Variants in MTDH observed in about 807,000 individuals in gnomAD.
The protein encoded by MTDH is metadherin, also known as protein LYRIC.
Under a neutral mutation model 72.7 loss-of-function variants are expected in MTDH, and 34 were observed. That is an observed-to-expected ratio of 0.47 (90% confidence interval 0.36 to 0.62). MTDH has a LOEUF of 0.62. Ranked by LOEUF, MTDH falls within the 20% of genes least tolerant of loss-of-function variation. The pLI is 0.00. For synonymous variants in MTDH, 266 were observed against 268.9 expected (o/e 0.99, Z 0.10); for missense variants, 677 against 699.4 (o/e 0.97, Z 0.36).
chr8:97,692,534 A>C (rs569162718), intron 6 of MTDH, among the ~76,000 whole-genome samples: 20 of 149,818 alleles, frequency 1.3e-4, no homozygotes, highest in Non-Finnish European at 2.8e-4. Flanking sequence ...CACCAAACTC[A>C]GCTAATTATT....
chr8:97,679,198 C>T lies in MTDH; in HGVS notation c.484-7470C>T, dbSNP rs118188662. ...ATAGAATAGCATTTACCTAGGGTTA[C>T]TTTGAGAATTTAAATGGAACTATGT... On this transcript the variant is annotated intron_variant, in intron 2 of 11. Coordinates refer to ENST00000336273, the MANE Select transcript of MTDH (RefSeq NM_178812.4). 3.0e-3 allele frequency among the ~76,000 whole-genome samples: 453 copies of T among 152,170 alleles called. 18 individuals carry two copies. The East Asian group carries it at 0.052, about 17-fold the overall frequency.
chr8:97,654,728 T>C (rs1424852577), intron 1 of MTDH, among the ~76,000 whole-genome samples: 1 of 152,110 alleles, frequency 6.6e-6, no homozygotes, highest in Non-Finnish European at 1.5e-5. Flanking sequence ...CCTTTTATCT[T>C]TTTTATGATG....
chr8:97,712,585 T>C lies in MTDH; in HGVS notation c.1273-1077T>C, dbSNP rs560641040. 4.6e-5 allele frequency among the ~76,000 whole-genome samples: 7 copies of C among 152,352 alleles called. No homozygotes were observed. The East Asian group carries it at 1.3e-3, about 29-fold the overall frequency. On this transcript the variant is annotated intron_variant, in intron 8 of 11. Coordinates refer to ENST00000336273, the MANE Select transcript of MTDH (RefSeq NM_178812.4). ...GTCTCTGTCTAAACATAAGCTTTCATTTCTCTAGGATAAATGCCCATATGT... is the reference window on the plus strand; with the variant it reads ...GTCTCTGTCTAAACATAAGCTTTCACTTCTCTAGGATAAATGCCCATATGT...
rs182000077 is a variant in MTDH, at chr8:97,711,367, G to A, written c.1273-2295G>A. Among the ~76,000 whole-genome samples, 18 of 150,212 alleles carry A rather than the reference G, an allele frequency of 1.2e-4. 1 individual carries two copies. The highest frequency in any genetic ancestry group is 4.4e-4 in the African/African-American group (18 of 41,048). ...AAAAAAAAAAAAGAAAAATCAGCCT[G>A]TAGTCCCAGCTCCTCAGGTGGCTAA... On this transcript the variant is annotated intron_variant, in intron 8 of 11. Transcript: ENST00000336273.
chr8:97,677,569 A>C (rs1473343592), intron 2 of MTDH, among the ~76,000 whole-genome samples: 1 of 152,260 alleles, frequency 6.6e-6, no homozygotes, highest in East Asian at 1.9e-4. Flanking sequence ...TCTATCAGCT[A>C]CATCACCATG....
intron 8 of MTDH, among the ~76,000 whole-genome samples, chr8:97,712,777 A>G (rs80082936): frequency 0.025 from 3,830 of 152,268 alleles, 107 homozygotes; most frequent in African/African-American, 0.061. Flanking sequence ...CTAATAGCAA[A>G]TGGAGTTGAG....
Position 97,704,043 on chromosome 8 carries a change from G to A in MTDH, c.1148-2583G>A, listed in dbSNP as rs138974612. ...TGACTCCAGATACTTGCTCATGGTG[G>A]TGAATTTAGAAATACAGGAAGGAAC... On this transcript the variant is annotated intron_variant, in intron 7 of 11. Transcript: ENST00000336273. Among the ~76,000 whole-genome samples the A allele has an allele frequency of 2.1e-3, 320 of 152,316 alleles. 1 individual carries two copies. Among genetic ancestry groups the A allele is most frequent in the Non-Finnish European group, 3.0e-3 (201 of 68,038 alleles).
Position 97,661,097 on chromosome 8 carries a change from C to T in MTDH, c.407C>T (p.Ala136Val). The T allele has an allele frequency of 1.2e-6, 2 of 1,613,112 alleles. No individual in the cohort carries two copies. Among genetic ancestry groups the T allele is most frequent in the Non-Finnish European group, 1.7e-6 (2 of 1,179,512 alleles). The change falls in exon 2 of 12, where the codon GCT becomes GTT. Residue 136 changes from alanine to valine, a missense_variant. Physicochemically the swap from Ala to Val is moderately conservative, Grantham distance 64. Transcript: ENST00000336273. Reference protein sequence around the residue: ...PKPNGRTVEVAEGEAVRTPQS... With the variant: ...PKPNGRTVEVVEGEAVRTPQS... ...CCAAATGGGCGGACTGTTGAAGTGGCTGAGGGTGAAGCTGTTCGAACACCT... is the reference window on the plus strand; with the variant it reads ...CCAAATGGGCGGACTGTTGAAGTGGTTGAGGGTGAAGCTGTTCGAACACCT...
rs762572740 is a variant in MTDH at position 97,699,838 on chromosome 8, A to C, written c.1133A>C (p.Glu378Ala). The C allele has an allele frequency of 6.2e-7, 1 of 1,610,260 alleles. No homozygotes were observed. Residue 378 changes from glutamate (E) to alanine (A), a missense_variant, in exon 7 of 12, where the codon GAA becomes GCA. By Grantham distance (107) the Glu-to-Ala change is moderately radical. Coordinates refer to ENST00000336273, the MANE Select transcript of MTDH (RefSeq NM_178812.4). Reference sequence around the variant, plus strand: ...CGTAATCAACCCTATATCGATGATGAATGGTCTGGGTTAAGTATGTCCTTT... The same window carrying C: ...CGTAATCAACCCTATATCGATGATGCATGGTCTGGGTTAAGTATGTCCTTT... The part of the protein sequence containing the change: ...VSRNQPYIDD[E>A]WSGLNGLSSA...
At chr8:97,668,597 C>T (rs1246827717) in intron 2 of MTDH, among the ~76,000 whole-genome samples, 1 of 152,078 alleles carries the variant, frequency 6.6e-6, no homozygotes, top group East Asian at 1.9e-4. Context: ...TCTTGTCACC[C>T]AGGCTGGAGT....
At chr8:97,724,481 C>A in intron 11 of MTDH, 119 bp from the exon 12 acceptor site, 1 of 663,808 alleles carries the variant, frequency 1.5e-6, no homozygotes, top group Non-Finnish European at 2.5e-6. Flanking sequence ...AAAACTTAAA[C>A]ATAAAATTTG....
At chr8:97,694,447 T>A (rs1442310165) in intron 6 of MTDH, among the ~76,000 whole-genome samples, 1 of 152,176 alleles carries the variant, frequency 6.6e-6, no homozygotes, top group Non-Finnish European at 1.5e-5. Context: ...TCCACCTGCC[T>A]TAGCCTCCCA....
chr8:97,692,535 G>A (rs1813654644), intron 6 of MTDH, among the ~76,000 whole-genome samples: 1 of 150,790 alleles, frequency 6.6e-6, no homozygotes, highest in African/African-American at 2.5e-5. Context: ...ACCAAACTCA[G>A]CTAATTATTT....
chr8:97,678,320 C>T (rs1184029487), intron 2 of MTDH, among the ~76,000 whole-genome samples: 1 of 152,058 alleles, frequency 6.6e-6, no homozygotes, highest in Non-Finnish European at 1.5e-5. Context: ...GGGAGAGATA[C>T]CACCATGTGT....
chr8:97,715,538 C>T (rs1198949253), intron 9 of MTDH, among the ~76,000 whole-genome samples: 1 of 152,164 alleles, frequency 6.6e-6, no homozygotes, highest in Admixed American at 6.5e-5. Flanking sequence ...AGCTTATTAT[C>T]AATACTTGCT....
chr8:97,706,586 C>T, intron 7 of MTDH, 40 bp from the exon 8 acceptor site: 1 of 1,461,446 alleles, frequency 6.8e-7, no homozygotes, highest in Admixed American at 2.5e-5. Flanking sequence ...TAATTTATGG[C>T]AAAAATGATA....
chr8:97,704,098 T>A (rs1313712887), intron 7 of MTDH, among the ~76,000 whole-genome samples: 4 of 152,226 alleles, frequency 2.6e-5, no homozygotes, highest in Admixed American at 2.0e-4. Context: ...TTCACACTTG[T>A]AATCACCTGT....
chr8:97,706,844 T>TA (rs1814375703), intron 8 of MTDH, 94 bp downstream of exon 8: 2 of 1,403,526 alleles, frequency 1.4e-6, no homozygotes, highest in South Asian at 3.2e-5. Context: ...CTTTGGGAGG[T>TA]ACTGTGGGAG....
intron 6 of MTDH, among the ~76,000 whole-genome samples, chr8:97,691,888 G>A (rs953102202): frequency 9.2e-5 from 14 of 151,880 alleles, no homozygotes; most frequent in African/African-American, 3.1e-4. Context: ...TTGTTTGTTT[G>A]TTTGTTTTTT....
Sources: allele counts gnomAD v4.1 joint callset (sites outside exome capture counted in the v4.1 genomes callset), GRCh38; gene constraint gnomAD v4.1.1; transcripts MANE v1.5; gene names NCBI Gene and HGNC (gene_info 2026-07-23, HGNC 2026-07-21).